The following SPINK5 variants were observed in gnomAD, a reference collection of about 807,000 sequenced individuals.
The protein encoded by SPINK5 is serine peptidase inhibitor Kazal type 5.
In SPINK5, 125 loss-of-function variants were observed where a neutral mutation model predicts 151.8. The observed-to-expected ratio is 0.82, with a 90% confidence interval of 0.71 to 0.96. The LOEUF (loss-of-function observed/expected upper bound fraction) is 0.96, where lower values mean the gene tolerates loss of function less well. Among genes scored for constraint, SPINK5 ranks in the 40% least tolerant of loss-of-function variants. The pLI is 0.00. For missense variants in SPINK5, 1,194 were observed against 1,291.9 expected, an observed-to-expected ratio of 0.92 and a Z score of 1.16; for synonymous variants, 374 against 395.3, an observed-to-expected ratio of 0.95 and a Z score of 0.64.
chr5:148,075,831 G>C (rs1752863725), intron 4 of SPINK5, among the ~76,000 whole-genome samples: 1 of 151,668 alleles, frequency 6.6e-6, no homozygotes, highest in African/African-American at 2.4e-5. Context: ...GGGTACAAAG[G>C]TCAGCAAAGG....
chr5:148,133,718 C>A, intron 31 of SPINK5, 79 bp from the exon 32 acceptor site: 1 of 1,420,598 alleles, frequency 7.0e-7, no homozygotes, highest in Non-Finnish European at 9.9e-7. Flanking sequence ...CCCAAGTGTC[C>A]TGCATGTTGG....
In SPINK5 at chr5:148,077,710, A is replaced by G. The variant is rs149918106; in HGVS notation, c.282+5490A>G. 3.4e-3 allele frequency among the ~76,000 whole-genome samples: 507 copies of G among 149,400 alleles called. 1 individual carries two copies. Among genetic ancestry groups the G allele is most frequent in the African/African-American group, 0.012 (482 of 40,740 alleles). ...AGAGAAAATAAAGCTTTATTAAGGCAAAGTTTCTCTATTTTACCAGGATTA... is the reference window on the plus strand; with the variant it reads ...AGAGAAAATAAAGCTTTATTAAGGCGAAGTTTCTCTATTTTACCAGGATTA... On this transcript the variant is annotated intron_variant, in intron 4 of 32. Transcript: ENST00000256084.
At position 148,131,283 on chromosome 5, in the gene SPINK5, C is replaced by A. The variant is rs192473445; in HGVS notation, c.2989C>A (p.Arg997=). The part of the protein sequence containing the change: ...SLDSEMCKDY[R]VLPRIGYLCP... ...GGATTCTGAGATGTGCAAAGACTAC[C>A]GAGTATTGCCCAGGATAGGTTATCT... The change falls in exon 31 of 33, where the codon CGA becomes AGA. Residue 997 remains arginine (R), a synonymous_variant. Transcript: ENST00000256084. The A allele has an allele frequency of 6.2e-7, 1 of 1,613,790 alleles. No individual in the cohort carries two copies. The highest frequency in any genetic ancestry group is 1.3e-5 in the African/African-American group (1 of 75,010).
chr5:148,069,654 G>GA (rs1281922764), intron 2 of SPINK5, among the ~76,000 whole-genome samples: 1 of 151,988 alleles, frequency 6.6e-6, no homozygotes. Flanking sequence ...ATACAAATTT[G>GA]AAAATGCAAA....
At position 148,097,939 on chromosome 5, in the gene SPINK5, C is replaced by T. The variant is rs372354012; in HGVS notation, c.955C>T (p.Arg319Cys). The change falls in exon 11 of 33, where the codon CGT becomes TGT. Residue 319 changes from arginine to cysteine, a missense_variant. Coordinates refer to ENST00000256084, the MANE Select transcript of SPINK5 (RefSeq NM_006846.4). ...CTGTACCAGAGAAAATGACCCTATT[C>T]GTGGTCCAGATGGGAAAATGCATGG... is the stretch of plus-strand genomic sequence containing the variant. The part of the protein sequence containing the change: ...LFCTRENDPI[R>C]GPDGKMHGNL... The T allele has an allele frequency of 2.1e-5, 34 of 1,612,302 alleles. No individual in the cohort carries two copies. The highest frequency in any genetic ancestry group is 3.3e-5 in the Admixed American group (2 of 59,874).
Position 148,124,771 on chromosome 5 carries a change from A to G in SPINK5, c.2673A>G (p.Arg891=), listed in dbSNP as rs1754386706. ...KCAMCQSIFD[R]EANERKKKDE... is the part of the protein sequence containing the mutation. ...TTTTTTAATTATTCTGCAGTGATCG[A>G]GAAGCTAATGAAAGAAAAAAGAAAG... The change falls in exon 28 of 33, where the codon CGA becomes CGG. Residue 891 remains arginine, a synonymous_variant. Coordinates refer to ENST00000256084, the MANE Select transcript of SPINK5 (RefSeq NM_006846.4). 2.5e-6 allele frequency: 4 copies of G among 1,602,828 alleles called. No individual in the cohort carries two copies. In the East Asian group the frequency reaches 6.7e-5, roughly 27 times the overall value.
At chr5:148,127,873 C>G (rs1412962298) in intron 30 of SPINK5, among the ~76,000 whole-genome samples, 7 of 152,018 alleles carry the variant, frequency 4.6e-5, no homozygotes, top group Non-Finnish European at 1.0e-4. Context: ...CTTCCTCTCT[C>G]TCGTAGCTGA....
chr5:148,093,446 A>ACT (rs913514882), intron 8 of SPINK5, among the ~76,000 whole-genome samples: 6 of 151,758 alleles, frequency 4.0e-5, no homozygotes, highest in African/African-American at 1.5e-4. Flanking sequence ...AATTAGATCT[A>ACT]CTCTCTCTCT....
chr5:148,068,578 A>AGAAAG (rs756107526), intron 2 of SPINK5, among the ~76,000 whole-genome samples: 16 of 74,370 alleles, frequency 2.2e-4, no homozygotes, highest in African/African-American at 8.8e-4. Flanking sequence ...AAAAAAAAAA[A>AGAAAG]AAAGAAAGAA....
chr5:148,137,101 T>A lies in SPINK5; in HGVS notation c.*110T>A. ...TCTTCGGAGCTTGTCTTATTTGCTA[T>A]AGAAAACAATACAGAGCTTTTGGGA... On this transcript the variant is annotated 3_prime_UTR_variant, in exon 33 of 33. Coordinates refer to ENST00000256084, the MANE Select transcript of SPINK5 (RefSeq NM_006846.4). 1.4e-6 allele frequency: 2 copies of A among 1,410,606 alleles called. No individual in the cohort carries two copies. Among genetic ancestry groups the A allele is most frequent in the Non-Finnish European group, 2.0e-6 (2 of 997,302 alleles). The allele number at this position is 1,410,606 out of a possible 1,614,324, so 87.4% of individuals were successfully genotyped here. A position where few individuals can be genotyped will look rare whatever the true frequency, so the allele number is the denominator to read the frequency against.
chr5:148,071,199 GT>G (rs992784883), intron 3 of SPINK5, among the ~76,000 whole-genome samples: 1 of 152,118 alleles, frequency 6.6e-6, no homozygotes, highest in Admixed American at 6.6e-5. Flanking sequence ...AACTTCAACA[GT>G]GGTAGCAAGC....
At chr5:148,126,886 C>T in intron 29 of SPINK5, 97 bp from the exon 30 acceptor site, 2 of 1,067,072 alleles carry the variant, frequency 1.9e-6, no homozygotes, top group Admixed American at 4.3e-5. Context: ...ACTACCATGC[C>T]TGGCCTCTGT....
In SPINK5 at chr5:148,097,940, G is replaced by A. The variant is rs1414114854; in HGVS notation, c.956G>A (p.Arg319His). 11 of 1,612,286 alleles carry A rather than the reference G, an allele frequency of 6.8e-6. No homozygotes were observed. The highest frequency in any genetic ancestry group is 2.7e-5 in the African/African-American group (2 of 74,924). Residue 319 changes from arginine (R) to histidine (H), a missense_variant, in exon 11 of 33, where the codon CGT becomes CAT. Coordinates refer to ENST00000256084, the MANE Select transcript of SPINK5 (RefSeq NM_006846.4). ...LFCTRENDPI[R>H]GPDGKMHGNL... ...TGTACCAGAGAAAATGACCCTATTC[G>A]TGGTCCAGATGGGAAAATGCATGGC... is the stretch of plus-strand genomic sequence containing the variant.
intron 31 of SPINK5, among the ~76,000 whole-genome samples, chr5:148,132,300 A>T (rs1754591689): frequency 6.6e-6 from 1 of 152,162 alleles, no homozygotes; most frequent in Non-Finnish European, 1.5e-5. Context: ...ACATTGTAGT[A>T]CTACTTTATC....
rs1210116832 is a variant in SPINK5 at position 148,137,251 on chromosome 5, A to T, written c.*260A>T. On this transcript the variant is annotated 3_prime_UTR_variant, in exon 33 of 33. Transcript: ENST00000256084. ...TCCTGATTACAATGCTGTCTGTCCA[A>T]CTGCCTGTTCAATAAAAGTAAACTC... 1 of 548,948 alleles carries T rather than the reference A, an allele frequency of 1.8e-6. No individual in the cohort carries two copies. The highest frequency in any genetic ancestry group is 1.9e-5 in the African/African-American group (1 of 53,036). 34.0% of individuals were successfully genotyped at this position (548,948 alleles called of 1,614,324 possible).
chr5:148,082,253 C>G (rs1753039596), intron 4 of SPINK5, among the ~76,000 whole-genome samples: 1 of 151,112 alleles, frequency 6.6e-6, no homozygotes, highest in Non-Finnish European at 1.5e-5. Context: ...TGTTCCTGTT[C>G]ATTTTACAAT....
intron 26 of SPINK5, among the ~76,000 whole-genome samples, chr5:148,121,280 C>T (rs1312515346): frequency 6.6e-6 from 1 of 151,022 alleles, no homozygotes; most frequent in Non-Finnish European, 1.5e-5. Context: ...AACACTACAA[C>T]ACCAACACGT....
intron 22 of SPINK5, among the ~76,000 whole-genome samples, chr5:148,116,809 CT>C (rs1230540138): frequency 2.6e-5 from 4 of 152,144 alleles, no homozygotes; most frequent in Non-Finnish European, 5.9e-5. Context: ...GACAGAGCCA[CT>C]TTTTTTAGGT....
intron 4 of SPINK5, among the ~76,000 whole-genome samples, chr5:148,085,816 G>T (rs988628708): frequency 3.3e-5 from 5 of 151,842 alleles, no homozygotes; most frequent in Admixed American, 6.6e-5. Context: ...TCTGTGTCAG[G>T]CACTGTTCCA....
Sources: gnomAD v4.1 joint callset for allele counts (sites outside exome capture counted in the v4.1 genomes callset) on GRCh38, gnomAD v4.1.1 for gene constraint, MANE v1.5 for transcripts, NCBI Gene and HGNC (gene_info 2026-07-23, HGNC 2026-07-21) for gene names.